The following PRUNE2 variants were observed in gnomAD, a reference collection of about 807,000 sequenced individuals.
The protein encoded by PRUNE2 is prune homolog 2 with BCH domain.
PRUNE2 carries 164 observed loss-of-function variants against 252.0 expected under a neutral mutation model. The ratio of observed to expected loss-of-function variants is 0.65; its 90% confidence interval spans 0.57 to 0.74. The LOEUF is 0.74. PRUNE2 is among the 30% of genes least tolerant of loss of function. The probability of loss-of-function intolerance (pLI) is 0.00; values close to 1 mark genes in which losing one functional copy is unlikely to be tolerated. For missense variants in PRUNE2, 3,495 were observed against 3,711.0 expected, an observed-to-expected ratio of 0.94 and a Z score of 1.51; for synonymous variants, 1,292 against 1,350.2, an observed-to-expected ratio of 0.96 and a Z score of 0.94.
intron 6 of PRUNE2, among the ~76,000 whole-genome samples, chr9:76,770,770 C>T (rs906647605): frequency 6.6e-6 from 1 of 152,010 alleles, no homozygotes; most frequent in Non-Finnish European, 1.5e-5. Flanking sequence ...GAAAGTGAAG[C>T]CCAAAATCAT....
chr9:76,900,371 G>C (rs1351943165), intron 1 of PRUNE2, among the ~76,000 whole-genome samples: 1 of 152,148 alleles, frequency 6.6e-6, no homozygotes, highest in Non-Finnish European at 1.5e-5. Flanking sequence ...GGGTGATCTA[G>C]AGCCCACTAG....
At chr9:76,856,091 C>A (rs1242855998) in intron 1 of PRUNE2, among the ~76,000 whole-genome samples, 2 of 152,202 alleles carry the variant, frequency 1.3e-5, no homozygotes, top group Non-Finnish European at 2.9e-5. Flanking sequence ...GACATTACCT[C>A]ATTTCTCTTC....
intron 6 of PRUNE2, chr9:76,759,534 C>G (rs1010720680): frequency 2.0e-5 from 3 of 152,334 alleles, no homozygotes; most frequent in Non-Finnish European, 4.4e-5. Flanking sequence ...GTCTGAACAT[C>G]GAGAGGACTT....
At chr9:76,723,756 C>T (rs1449741905) in intron 6 of PRUNE2, among the ~76,000 whole-genome samples, 1 of 151,850 alleles carries the variant, frequency 6.6e-6, no homozygotes, top group Non-Finnish European at 1.5e-5. Context: ...AACTGAAAAT[C>T]ACTGCTTTCT....
intron 9 of PRUNE2, chr9:76,692,995 CT>C (rs201491734): frequency 1.5e-5 from 2 of 132,514 alleles, no homozygotes; most frequent in African/African-American, 6.6e-5. Flanking sequence ...CCCTCCCCCC[CT>C]CCAAAAAAAA....
chr9:76,653,886 T>A (rs1201480019), intron 10 of PRUNE2, among the ~76,000 whole-genome samples: 1 of 152,140 alleles, frequency 6.6e-6, no homozygotes, highest in Non-Finnish European at 1.5e-5. Flanking sequence ...TCAGCTGCCT[T>A]TCATTTAATA....
chr9:76,896,748 TCTC>T (rs2133625195), intron 1 of PRUNE2, among the ~76,000 whole-genome samples: 1 of 152,090 alleles, frequency 6.6e-6, no homozygotes, highest in East Asian at 1.9e-4. Flanking sequence ...CCCTGGATCT[TCTC>T]CTGCCTAGAC....
chr9:76,845,525 T>C (rs1564424892), intron 4 of PRUNE2, among the ~76,000 whole-genome samples: 1 of 152,162 alleles, frequency 6.6e-6, no homozygotes, highest in Non-Finnish European at 1.5e-5. Context: ...GCCAGGAAAA[T>C]ATTTAAGGCA....
intron 12 of PRUNE2, among the ~76,000 whole-genome samples, chr9:76,641,509 A>C (rs1051074723): frequency 2.0e-5 from 3 of 152,228 alleles, no homozygotes; most frequent in Non-Finnish European, 4.4e-5. Flanking sequence ...TGCAATAACT[A>C]GAATGCATAG....
chr9:76,699,399 T>C (rs887102101), intron 9 of PRUNE2, among the ~76,000 whole-genome samples: 6 of 152,164 alleles, frequency 3.9e-5, no homozygotes, highest in Admixed American at 2.0e-4. Context: ...TTTTTAGATG[T>C]GATTAACATT....
intron 1 of PRUNE2, among the ~76,000 whole-genome samples, chr9:76,892,596 T>C (rs1247086800): frequency 6.6e-6 from 1 of 152,206 alleles, no homozygotes; most frequent in Admixed American, 6.5e-5. Context: ...TGATTTTGAA[T>C]ACTATGTAAT....
At chr9:76,787,706 T>C (rs1192311003) in intron 6 of PRUNE2, 1 of 152,234 alleles carries the variant, frequency 6.6e-6, no homozygotes, top group Non-Finnish European at 1.5e-5. Flanking sequence ...GACACTGCTT[T>C]GCTCCAGTCC....
chr9:76,726,607 A>C (rs1284510029), intron 6 of PRUNE2, among the ~76,000 whole-genome samples: 2 of 152,248 alleles, frequency 1.3e-5, no homozygotes, highest in Non-Finnish European at 2.9e-5. Context: ...GGAGTGATAA[A>C]TCTATAAAAG....
At chr9:76,894,048 T>C (rs964848118) in intron 1 of PRUNE2, among the ~76,000 whole-genome samples, 12 of 152,224 alleles carry the variant, frequency 7.9e-5, no homozygotes, top group Non-Finnish European at 1.2e-4. Flanking sequence ...GTGACCTATA[T>C]ACATTTCTTA....
At chr9:76,819,473 C>T (rs11794199) in intron 6 of PRUNE2, 1 of 152,098 alleles carries the variant, frequency 6.6e-6, no homozygotes, top group African/African-American at 2.4e-5. Context: ...TTCTCTCCCA[C>T]AGCTCTTGGA....
At chr9:76,661,994 C>T (rs1002451012) in intron 9 of PRUNE2, among the ~76,000 whole-genome samples, 38 of 151,882 alleles carry the variant, frequency 2.5e-4, no homozygotes, top group African/African-American at 8.0e-4. Flanking sequence ...TTATCAATCA[C>T]AAAAAGTCTC....
chr9:76,772,597 C>T (rs527682767), intron 6 of PRUNE2, among the ~76,000 whole-genome samples: 2 of 152,200 alleles, frequency 1.3e-5, no homozygotes, highest in African/African-American at 4.8e-5. Flanking sequence ...CAGGGTCTTG[C>T]TTGTCCCCCA....
chr9:76,726,788 T>C lies in PRUNE2; in HGVS notation c.757-13067A>G, dbSNP rs960148721. On this transcript the variant is annotated intron_variant, in intron 6 of 18. Transcript: ENST00000376718. ...TCTTCAGAAGCTCAAATCTCCACTA[T>C]AACTGTCAAACTTCCATTGCTATTA... Among the ~76,000 whole-genome samples, 9 of 152,334 alleles carry C rather than the reference T, an allele frequency of 5.9e-5. No individual in the cohort carries two copies. The South Asian group carries it at 6.2e-4, about 11-fold the overall frequency.
At chr9:76,836,911 A>G (rs1438832969) in intron 4 of PRUNE2, among the ~76,000 whole-genome samples, 1 of 152,214 alleles carries the variant, frequency 6.6e-6, no homozygotes, top group Non-Finnish European at 1.5e-5. Context: ...TTAGTATACA[A>G]ATGATCTTTT....
Sources: allele counts gnomAD v4.1 joint callset (sites outside exome capture counted in the v4.1 genomes callset), GRCh38; gene constraint gnomAD v4.1.1; transcripts MANE v1.5; gene names NCBI Gene and HGNC (gene_info 2026-07-23, HGNC 2026-07-21).